The following GPR108 variants were observed in gnomAD, a reference collection of about 807,000 sequenced individuals.
The protein encoded by GPR108 is protein GPR108.
GPR108 carries 60 observed loss-of-function variants against 74.3 expected under a neutral mutation model. The ratio of observed to expected loss-of-function variants is 0.81; its 90% confidence interval spans 0.66 to 1.00. GPR108 has a LOEUF of 1.00. Among genes scored for constraint, GPR108 ranks in the 50% least tolerant of loss-of-function variants. The pLI is 0.00. For missense variants in GPR108, 667 were observed against 703.3 expected, an observed-to-expected ratio of 0.95 and a Z score of 0.58; for synonymous variants, 311 against 292.4, an observed-to-expected ratio of 1.06 and a Z score of -0.65.
intron 4 of GPR108, chr19:6,735,260 C>T (rs940032802): frequency 1.1e-5 from 2 of 182,300 alleles, no homozygotes; most frequent in Admixed American, 5.7e-5. Context: ...ACCCTGGCCC[C>T]AGAATCCCAG....
chr19:6,732,267 A>G lies in GPR108; in HGVS notation c.1121T>C (p.Met374Thr), dbSNP rs778945736. The G allele has an allele frequency of 1.2e-6, 2 of 1,612,092 alleles. No individual in the cohort carries two copies. Among genetic ancestry groups the G allele is most frequent in the South Asian group, 2.2e-5 (2 of 91,088 alleles). ...EKKVFGIVIP[M>T]QVLANVAYII... ...CGGAGGCTGCTCCATCCGCACCTGC[A>G]TGGGGATCACGATCCCAAAGACCTT... The change falls in exon 12 of 18, where the codon ATG becomes ACG. Residue 374 changes from methionine to threonine, a missense_variant. Met to Thr is a moderately conservative substitution (Grantham distance 81, BLOSUM62 -1). Coordinates refer to ENST00000264080, the MANE Select transcript of GPR108 (RefSeq NM_001080452.2).
chr19:6,735,993 G>A (rs1457755096), intron 2 of GPR108, 35 bp from the exon 3 acceptor site: 2 of 1,576,818 alleles, frequency 1.3e-6, no homozygotes, highest in Non-Finnish European at 1.7e-6. Flanking sequence ...AGGGTGTGAG[G>A]GACAGTAGAG....
Position 6,737,540 on chromosome 19 carries a change from TC to T in GPR108, c.36del (p.Ser13AlafsTer27). The T allele has an allele frequency of 6.5e-7, 1 of 1,549,636 alleles. No individual in the cohort carries two copies. The part of the protein sequence containing the change: ...AVSERRGLGR[G>X]SPAEWGQRLL... ...AGCCGCTGCCCCCACTCCGCGGGGC[TC>T]CCGCGGCCGAGCCCCCTCCTCTCGC... On this transcript the variant is annotated frameshift_variant, in exon 1 of 18. Transcript: ENST00000264080. LOFTEE classifies it high-confidence loss of function.
rs764377649 is a variant in GPR108, at chr19:6,734,219, T to G, written c.463A>C (p.Lys155Gln). 1 of 1,614,162 alleles carries G rather than the reference T, an allele frequency of 6.2e-7. No individual in the cohort carries two copies. Among genetic ancestry groups the G allele is most frequent in the Non-Finnish European group, 8.5e-7 (1 of 1,180,034 alleles). ...TTGCGGGGGACTGTGGCCTGTGGCTTCGGGAGCCCTGGTTTGGAGGGTGCT... is the reference window on the plus strand; with the variant it reads ...TTGCGGGGGACTGTGGCCTGTGGCTGCGGGAGCCCTGGTTTGGAGGGTGCT... ...PEAPSKPGLP[K>Q]PQATVPRKVD... Residue 155 changes from lysine (K) to glutamine (Q), a missense_variant, in exon 5 of 18, where the codon AAG becomes CAG. Coordinates refer to ENST00000264080, the MANE Select transcript of GPR108 (RefSeq NM_001080452.2).
Position 6,735,351 on chromosome 19 carries a change from C to T in GPR108, c.374+271G>A, listed in dbSNP as rs372179033. 15 of 385,576 alleles carry T rather than the reference C, an allele frequency of 3.9e-5. No individual in the cohort carries two copies. In the East Asian group the frequency reaches 5.4e-4, roughly 14 times the overall value. 23.9% of individuals were successfully genotyped at this position (385,576 alleles called of 1,614,324 possible). A position where few individuals can be genotyped will look rare whatever the true frequency, so the allele number is the denominator to read the frequency against. The stretch of plus-strand genomic sequence containing the variant: ...TGGGTGAGTTAGTGTATTAAAGCTC[C>T]GGGACACCGGAAGCACTCAACATGT... On this transcript the variant is annotated intron_variant, in intron 4 of 17. Coordinates refer to ENST00000264080, the MANE Select transcript of GPR108 (RefSeq NM_001080452.2).
rs1968547570 is a variant in GPR108 at position 6,734,382 on chromosome 19, C to G, written c.375-75G>C. 5.6e-6 allele frequency: 8 copies of G among 1,439,058 alleles called. No homozygotes were observed. In the South Asian group the frequency reaches 1.0e-4, roughly 18 times the overall value. 89.1% of individuals were successfully genotyped at this position (1,439,058 alleles called of 1,614,324 possible). On this transcript the variant is annotated intron_variant, in intron 4 of 17. Coordinates refer to ENST00000264080, the MANE Select transcript of GPR108 (RefSeq NM_001080452.2). The stretch of plus-strand genomic sequence containing the variant: ...CAGGCACCGGCAAAGGACTCAGTGG[C>G]CCCTTGGACCCTCTGCGTGTCCTCC...
intron 8 of GPR108, 34 bp from the exon 9 acceptor site, chr19:6,733,335 G>C (rs748257697): frequency 6.2e-7 from 1 of 1,601,540 alleles, no homozygotes; most frequent in Non-Finnish European, 8.5e-7. Flanking sequence ...GGCGGCAGGG[G>C]CACAGCCCGA....
chr19:6,732,099 GTCGCTGGCGCCTTCC>G lies in GPR108; in HGVS notation c.1167_1181del (p.Glu389_Ser393del). 6.2e-7 allele frequency: 1 copy of G among 1,613,988 alleles called. No homozygotes were observed. On this transcript the variant is annotated inframe_deletion, in exon 13 of 18. Coordinates refer to ENST00000264080, the MANE Select transcript of GPR108 (RefSeq NM_001080452.2). ...ACAAAATCTCCTTCCACAGCACGTA[GTCGCTGGCGCCTTCC>G]TCGCGGGACTCGATGATGATGTAGG...
intron 10 of GPR108, 36 bp downstream of exon 10, chr19:6,732,951 C>G (rs1030940005): frequency 1.3e-6 from 2 of 1,542,944 alleles, no homozygotes; most frequent in Non-Finnish European, 1.8e-6. Context: ...GGCCTTTCAG[C>G]CCACCCCCCG....
At position 6,731,242 on chromosome 19, in the gene GPR108, A is replaced by G. The variant is rs1162594827; in HGVS notation, c.1391T>C (p.Leu464Pro). The change falls in exon 16 of 18, where the codon CTG becomes CCG. Residue 464 changes from leucine (L) to proline (P), a missense_variant. Coordinates refer to ENST00000264080, the MANE Select transcript of GPR108 (RefSeq NM_001080452.2). ...YVYFTRIIAI[L>P]LQVAVPFQWQ... ...CTGAAAGGGCACAGCCACCTGCAGC[A>G]GGATGGCGATGATGCGGGTGAAGTA... The G allele has an allele frequency of 6.4e-7, 1 of 1,563,294 alleles. No individual in the cohort carries two copies. Among genetic ancestry groups the G allele is most frequent in the Admixed American group, 1.8e-5 (1 of 55,200 alleles).
Position 6,733,887 on chromosome 19 carries a change from CAGG to C in GPR108, c.573_575del (p.Asp191_Leu192delinsGlu). On this transcript the variant is annotated inframe_deletion, in exon 7 of 18. Transcript: ENST00000264080. ...TGTTGAGGTGGCTCAGGCCCAACAC[CAGG>C]TCCTTGTCCTTCCCACTAGGACCCT... 1 of 1,614,176 alleles carries C rather than the reference CAGG, an allele frequency of 6.2e-7. No homozygotes were observed. Among genetic ancestry groups the C allele is most frequent in the Non-Finnish European group, 8.5e-7 (1 of 1,180,010 alleles).
At chr19:6,733,483 G>A (rs1968506130) in intron 8 of GPR108, 87 bp downstream of exon 8, 1 of 1,447,764 alleles carries the variant, frequency 6.9e-7, no homozygotes, top group East Asian at 2.3e-5. Flanking sequence ...GGGAGGGCTG[G>A]GAAAAGCTAA....
chr19:6,732,875 G>A lies in GPR108; in HGVS notation c.933+112C>T, dbSNP rs572230139. 3.9e-4 allele frequency: 357 copies of A among 927,246 alleles called. 1 individual carries two copies. The highest frequency in any genetic ancestry group is 5.2e-4 in the Non-Finnish European group (312 of 602,432). The allele number at this position is 927,246 out of a possible 1,614,324, so 57.4% of individuals were successfully genotyped here. On this transcript the variant is annotated intron_variant, in intron 10 of 17. Coordinates refer to ENST00000264080, the MANE Select transcript of GPR108 (RefSeq NM_001080452.2). ...ACACTGGTAAAATGGGTGGACACGTGGATAGCTGGCGGATGGCCCTCCCAC... is the reference window on the plus strand; with the variant it reads ...ACACTGGTAAAATGGGTGGACACGTAGATAGCTGGCGGATGGCCCTCCCAC...
chr19:6,735,762 C>A, intron 3 of GPR108, 58 bp from the exon 4 acceptor site: 1 of 1,567,606 alleles, frequency 6.4e-7, no homozygotes, highest in Non-Finnish European at 8.8e-7. Flanking sequence ...TCCAGCTCCA[C>A]CCTGTCTCCC....
At position 6,733,305 on chromosome 19, in the gene GPR108, C is replaced by T. The variant is rs201494523; in HGVS notation, c.724-4G>A. ...GGTTCTTCTCCCGGATCATCACCTG[C>T]GGAGGGGGCAGTGGTGGGCGGCGGC... is the stretch of plus-strand genomic sequence containing the variant. On this transcript the variant is annotated splice_polypyrimidine_tract_variant and splice_region_variant and intron_variant, in intron 8 of 17. Transcript: ENST00000264080. 1.4e-3 allele frequency: 2,260 copies of T among 1,613,004 alleles called. 6 individuals carry two copies. Among genetic ancestry groups the T allele is most frequent in the Non-Finnish European group, 1.8e-3 (2,085 of 1,179,502 alleles).
intron 17 of GPR108, 76 bp downstream of exon 17, chr19:6,730,911 C>T: frequency 9.4e-7 from 1 of 1,065,588 alleles, no homozygotes; most frequent in Non-Finnish European, 1.4e-6. Context: ...TCCCCCCTGC[C>T]CACCCTGCCC....
Position 6,733,994 on chromosome 19 carries a change from C to T in GPR108, c.549+11G>A. The T allele has an allele frequency of 6.2e-7, 1 of 1,614,194 alleles. No individual in the cohort carries two copies. Reference sequence around the variant, plus strand: ...GTGTGCATCTTCCCTCCTGCCCCGCCTCCCCGAAACCTGAATCACTGCGGG... The same window carrying T: ...GTGTGCATCTTCCCTCCTGCCCCGCTTCCCCGAAACCTGAATCACTGCGGG... On this transcript the variant is annotated intron_variant, in intron 6 of 17. Transcript: ENST00000264080.
In GPR108 at chr19:6,730,080, T is replaced by C. The variant is rs1266966041; in HGVS notation, c.*232A>G. 1.7e-5 allele frequency: 10 copies of C among 574,124 alleles called. No homozygotes were observed. Among genetic ancestry groups the C allele is most frequent in the Non-Finnish European group, 3.1e-5 (10 of 317,510 alleles). 35.6% of individuals were successfully genotyped at this position (574,124 alleles called of 1,614,324 possible). A position where few individuals can be genotyped will look rare whatever the true frequency, so the allele number is the denominator to read the frequency against. On this transcript the variant is annotated 3_prime_UTR_variant, in exon 18 of 18. Coordinates refer to ENST00000264080, the MANE Select transcript of GPR108 (RefSeq NM_001080452.2). ...TAGCCAAACAGATTGGTCATTATTG[T>C]ACACATAGCTGGAAGGGAGGGGTGG...
intron 1 of GPR108, chr19:6,737,229 C>A: frequency 1.8e-6 from 1 of 545,824 alleles, no homozygotes; most frequent in Admixed American, 3.8e-5. Flanking sequence ...GATGGAGCCT[C>A]GCCCCCGAAG....
Sources: allele counts gnomAD v4.1 joint callset, GRCh38; gene constraint gnomAD v4.1.1; transcripts MANE v1.5; gene names NCBI Gene and HGNC (gene_info 2026-07-23, HGNC 2026-07-21).